C8orf34: variants seen among roughly 807,000 people sequenced by gnomAD.
C8orf34 encodes the protein chromosome 8 open reading frame 34.
A neutral mutation model predicts 68.3 loss-of-function variants in C8orf34; 65 were observed. The ratio of observed to expected loss-of-function variants is 0.95; its 90% CI spans 0.78 to 1.17. The LOEUF is 1.17. Ranked by LOEUF, C8orf34 falls within the 50% of genes most tolerant of loss-of-function variation. The probability of loss-of-function intolerance (pLI) is 0.00; values close to 1 mark genes in which losing one functional copy is unlikely to be tolerated. For missense variants in C8orf34, 664 were observed against 655.4 expected (o/e 1.01, Z -0.14); for synonymous variants, 244 against 241.2 (o/e 1.01, Z -0.11).
intron 3 of C8orf34, 43 bp from the exon 4 acceptor site, chr8:68,468,649 T>C: frequency 6.3e-7 from 1 of 1,596,612 alleles, no homozygotes; most frequent in South Asian, 1.1e-5. Context: ...GTTTGTGTCA[T>C]TATGTAGCAT....
intron 2 of C8orf34, among the ~76,000 whole-genome samples, chr8:68,442,654 T>C (rs1810960146): frequency 6.6e-6 from 1 of 152,194 alleles, no homozygotes; most frequent in East Asian, 1.9e-4. Flanking sequence ...TGCTGAGAGA[T>C]TGTGATATTT....
intron 6 of C8orf34, among the ~76,000 whole-genome samples, chr8:68,531,196 C>A (rs1447553550): frequency 6.6e-6 from 1 of 152,058 alleles, no homozygotes; most frequent in African/African-American, 2.4e-5. Context: ...TCATATCAAA[C>A]CAATCCCACC....
chr8:68,720,428 C>G (rs1396192096), intron 9 of C8orf34, among the ~76,000 whole-genome samples: 1 of 151,862 alleles, frequency 6.6e-6, no homozygotes, highest in African/African-American at 2.4e-5. Context: ...ATTTCATGCT[C>G]TAATTCTCTT....
At chr8:68,336,026 G>T (rs1805833297) in intron 1 of C8orf34, among the ~76,000 whole-genome samples, 1 of 152,138 alleles carries the variant, frequency 6.6e-6, no homozygotes, top group South Asian at 2.1e-4. Context: ...AGTGGAGGTT[G>T]CAGTGAGCCA....
At chr8:68,591,570 T>A (rs1016524332) in intron 7 of C8orf34, among the ~76,000 whole-genome samples, 2 of 152,294 alleles carry the variant, frequency 1.3e-5, no homozygotes, top group South Asian at 4.1e-4. Flanking sequence ...CAGGCTAATG[T>A]AACATACTTT....
At chr8:68,802,618 C>T (rs1428516217) in intron 12 of C8orf34, among the ~76,000 whole-genome samples, 1 of 152,038 alleles carries the variant, frequency 6.6e-6, no homozygotes, top group Non-Finnish European at 1.5e-5. Flanking sequence ...CTCACCTCAG[C>T]CTCCCGAGTA....
intron 8 of C8orf34, among the ~76,000 whole-genome samples, chr8:68,643,449 G>A (rs1819072075): frequency 6.6e-6 from 1 of 152,138 alleles, no homozygotes; most frequent in African/African-American, 2.4e-5. Context: ...GTCTATTTGG[G>A]ATGCTATAAA....
intron 5 of C8orf34, among the ~76,000 whole-genome samples, chr8:68,514,471 G>A (rs1255262713): frequency 6.6e-6 from 1 of 152,176 alleles, no homozygotes; most frequent in African/African-American, 2.4e-5. Flanking sequence ...GCTTGCATCA[G>A]CTCCCTCTCA....
chr8:68,772,646 G>T (rs1823373919), intron 10 of C8orf34, among the ~76,000 whole-genome samples: 1 of 152,080 alleles, frequency 6.6e-6, no homozygotes. Context: ...CCACATTTCA[G>T]AAAGGCCTTT....
chr8:68,368,195 T>C (rs1807397964), intron 1 of C8orf34, among the ~76,000 whole-genome samples: 1 of 152,158 alleles, frequency 6.6e-6, no homozygotes, highest in Non-Finnish European at 1.5e-5. Flanking sequence ...GTAGATTTAA[T>C]TATGATGCAG....
At chr8:68,757,869 C>T (rs2129527873) in intron 10 of C8orf34, among the ~76,000 whole-genome samples, 1 of 152,296 alleles carries the variant, frequency 6.6e-6, no homozygotes, top group Admixed American at 6.5e-5. Flanking sequence ...TCTCTCTGAG[C>T]TTACTATTTT....
intron 12 of C8orf34, among the ~76,000 whole-genome samples, chr8:68,804,317 C>T (rs186986375): frequency 3.0e-4 from 46 of 152,230 alleles, no homozygotes; most frequent in Admixed American, 1.1e-3. Context: ...CTGTACTTTT[C>T]GGAGCATCTT....
chr8:68,552,382 G>T (rs1230663034), intron 7 of C8orf34, among the ~76,000 whole-genome samples: 2 of 151,918 alleles, frequency 1.3e-5, no homozygotes, highest in Non-Finnish European at 2.9e-5. Context: ...ATATTTTTTA[G>T]TTTGTCAGAG....
chr8:68,575,005 ATAT>A (rs1190942502), intron 7 of C8orf34, among the ~76,000 whole-genome samples: 1 of 151,972 alleles, frequency 6.6e-6, no homozygotes, highest in Admixed American at 6.6e-5. Flanking sequence ...ATTTTAATAA[ATAT>A]TAATGCCATG....
At chr8:68,811,201 A>G (rs1419211735) in intron 12 of C8orf34, among the ~76,000 whole-genome samples, 2 of 152,170 alleles carry the variant, frequency 1.3e-5, no homozygotes. Context: ...GGGGGCTGAC[A>G]TGTCAGCTCT....
intron 7 of C8orf34, chr8:68,534,006 C>A (rs1223061000): frequency 8.5e-6 from 8 of 941,518 alleles, no homozygotes; most frequent in Non-Finnish European, 1.0e-5. Context: ...ACACGTTTTA[C>A]ATATAGAATA....
At chr8:68,710,261 A>T (rs78713418) in intron 9 of C8orf34, among the ~76,000 whole-genome samples, 1,766 of 152,272 alleles carry the variant, frequency 0.012, 19 homozygotes, top group Non-Finnish European at 0.018. Flanking sequence ...GAAATGGATC[A>T]CCGCTGCAGG....
intron 7 of C8orf34, among the ~76,000 whole-genome samples, chr8:68,568,219 T>C (rs1278170309): frequency 6.6e-6 from 1 of 152,124 alleles, no homozygotes. Flanking sequence ...TGTGGTGCTT[T>C]CTTATCATTC....
chr8:68,811,414 T>G (rs1200477852), intron 12 of C8orf34, among the ~76,000 whole-genome samples: 2 of 152,220 alleles, frequency 1.3e-5, no homozygotes, highest in Admixed American at 6.5e-5. Flanking sequence ...ACTGAACAGC[T>G]GCACCTGTGC....
Sources: gnomAD v4.1 joint callset for allele counts (sites outside exome capture counted in the v4.1 genomes callset) on GRCh38, gnomAD v4.1.1 for gene constraint, MANE v1.5 for transcripts, NCBI Gene and HGNC (gene_info 2026-07-23, HGNC 2026-07-21) for gene names.